NRXN3: variants seen among roughly 807,000 people sequenced by gnomAD.
The protein encoded by NRXN3 is neurexin 3, also known as neurexin III.
NRXN3 carries 32 observed loss-of-function variants against 137.6 expected under a neutral mutation model. That is an observed-to-expected ratio of 0.23 (90% confidence interval 0.18 to 0.31). NRXN3 has a LOEUF of 0.31. Ranked by LOEUF, NRXN3 falls within the 10% of genes least tolerant of loss-of-function variation. NRXN3 has a pLI of 1.00. For synonymous variants in NRXN3, 798 were observed against 784.5 expected (o/e 1.02, Z -0.29); for missense variants, 1,574 against 2,062.5 (o/e 0.76, Z 4.59).
chr14:79,272,451 G>A (rs2079500999), intron 15 of NRXN3, among the ~76,000 whole-genome samples: 1 of 151,878 alleles, frequency 6.6e-6, no homozygotes, highest in Non-Finnish European at 1.5e-5. Context: ...AAAAAATGTT[G>A]AATAATAATG....
intron 15 of NRXN3, among the ~76,000 whole-genome samples, chr14:79,376,044 G>A (rs1190810435): frequency 3.0e-5 from 4 of 134,632 alleles, no homozygotes; most frequent in Admixed American, 7.7e-5. Context: ...ATATATAAGT[G>A]TATATGTAAG....
At chr14:79,387,978 A>G (rs867587104) in intron 15 of NRXN3, among the ~76,000 whole-genome samples, 6 of 147,436 alleles carry the variant, frequency 4.1e-5, no homozygotes, top group African/African-American at 1.2e-4. Flanking sequence ...GGGGAGGGAT[A>G]GCATTAGGAG....
At chr14:79,479,064 C>A (rs1473332572) in intron 16 of NRXN3, among the ~76,000 whole-genome samples, 1 of 152,126 alleles carries the variant, frequency 6.6e-6, no homozygotes, top group Non-Finnish European at 1.5e-5. Flanking sequence ...GGCATGGAAT[C>A]TGATTACCCT....
chr14:78,396,639 C>T (rs2091485939), intron 4 of NRXN3, among the ~76,000 whole-genome samples: 1 of 152,170 alleles, frequency 6.6e-6, no homozygotes, highest in Non-Finnish European at 1.5e-5. Flanking sequence ...GCATTTAAAA[C>T]ATGTTGTGCC....
At chr14:78,407,572 C>T (rs558798338) in intron 4 of NRXN3, among the ~76,000 whole-genome samples, 1 of 152,238 alleles carries the variant, frequency 6.6e-6, no homozygotes, top group South Asian at 2.1e-4. Context: ...ATTCAGAGGG[C>T]CCTCAGGAGT....
At chr14:79,056,973 G>T (rs1046991362) in intron 15 of NRXN3, among the ~76,000 whole-genome samples, 1 of 152,222 alleles carries the variant, frequency 6.6e-6, no homozygotes, top group South Asian at 2.1e-4. Context: ...CTCACAGCAT[G>T]TCCTTGATCT....
intron 16 of NRXN3, among the ~76,000 whole-genome samples, chr14:79,593,904 A>G (rs1807210357): frequency 1.3e-5 from 2 of 152,206 alleles, no homozygotes; most frequent in South Asian, 4.1e-4. Flanking sequence ...GAATAATAAA[A>G]TGGTAATAAC....
At chr14:78,330,760 T>TA (rs2080719671) in intron 4 of NRXN3, among the ~76,000 whole-genome samples, 1 of 152,182 alleles carries the variant, frequency 6.6e-6, no homozygotes. Context: ...AATCAAGACT[T>TA]AAAGTTTTTA....
At chr14:78,258,584 A>G (rs1030248922) in intron 2 of NRXN3, among the ~76,000 whole-genome samples, 1 of 152,166 alleles carries the variant, frequency 6.6e-6, no homozygotes, top group Admixed American at 6.5e-5. Context: ...AATATTTAGG[A>G]TCGTGGGGGA....
chr14:79,820,558 T>TAC (rs2141024364), intron 20 of NRXN3, among the ~76,000 whole-genome samples: 1 of 152,304 alleles, frequency 6.6e-6, no homozygotes, highest in Admixed American at 6.5e-5. Flanking sequence ...GAAGGTTTGT[T>TAC]ACCTATGTAA....
intron 15 of NRXN3, among the ~76,000 whole-genome samples, chr14:79,026,049 C>T (rs1024269440): frequency 6.6e-5 from 10 of 152,078 alleles, no homozygotes; most frequent in African/African-American, 2.4e-4. Context: ...CATGTTACCC[C>T]TAGCTGCAAG....
At chr14:79,502,965 C>G (rs2096839888) in intron 16 of NRXN3, among the ~76,000 whole-genome samples, 1 of 152,120 alleles carries the variant, frequency 6.6e-6, no homozygotes. Context: ...CTTTTCCCAT[C>G]CACAAATGAT....
At chr14:78,832,888 C>T (rs1377726718) in intron 10 of NRXN3, among the ~76,000 whole-genome samples, 1 of 152,180 alleles carries the variant, frequency 6.6e-6, no homozygotes, top group Non-Finnish European at 1.5e-5. Flanking sequence ...CCTGTTGAAG[C>T]TGTACCAGGC....
intron 10 of NRXN3, among the ~76,000 whole-genome samples, chr14:78,913,238 TTCC>T (rs2099244433): frequency 6.6e-6 from 1 of 150,734 alleles, no homozygotes. Flanking sequence ...CTTTTTTCTT[TTCC>T]TTTCTTTTCT....
intron 16 of NRXN3, among the ~76,000 whole-genome samples, chr14:79,514,161 T>C (rs904241656): frequency 6.9e-5 from 10 of 145,056 alleles, no homozygotes; most frequent in African/African-American, 2.4e-4. Flanking sequence ...AATGTTTTCT[T>C]TTTTTTTATT....
At chr14:79,303,636 G>A (rs2085519429) in intron 15 of NRXN3, among the ~76,000 whole-genome samples, 1 of 151,980 alleles carries the variant, frequency 6.6e-6, no homozygotes. Context: ...TTTTGTTGGG[G>A]GTGGGGGGCT....
intron 2 of NRXN3, among the ~76,000 whole-genome samples, chr14:78,251,581 A>G (rs971850379): frequency 6.6e-6 from 1 of 152,138 alleles, no homozygotes; most frequent in Non-Finnish European, 1.5e-5. Context: ...CTAACCAGTG[A>G]CCATTCATCA....
intron 3 of NRXN3, among the ~76,000 whole-genome samples, chr14:78,293,976 A>G (rs2076057302): frequency 6.6e-6 from 1 of 152,218 alleles, no homozygotes; most frequent in South Asian, 2.1e-4. Flanking sequence ...CCATGCTGCT[A>G]CCTGGAATGT....
intron 4 of NRXN3, among the ~76,000 whole-genome samples, chr14:78,400,859 A>G (rs1052431875): frequency 1.3e-5 from 2 of 152,072 alleles, no homozygotes; most frequent in African/African-American, 2.4e-5. Context: ...CCCTCCCCCA[A>G]TTTTTATGAT....
Sources: allele counts gnomAD v4.1 joint callset (sites outside exome capture counted in the v4.1 genomes callset), GRCh38; gene constraint gnomAD v4.1.1; transcripts MANE v1.5; gene names NCBI Gene and HGNC (gene_info 2026-07-23, HGNC 2026-07-21).